The following SARM1 variants were observed in gnomAD, a reference collection of about 807,000 sequenced individuals.
SARM1 encodes the protein NAD(+) hydrolase SARM1.
SARM1 carries 60 observed loss-of-function variants against 65.1 expected under a neutral mutation model. The observed-to-expected ratio is 0.92, with a 90% CI of 0.75 to 1.14. The LOEUF (loss-of-function observed/expected upper bound fraction) is 1.14. Among genes scored for constraint, SARM1 ranks in the 50% most tolerant of loss-of-function variants. The probability of loss-of-function intolerance (pLI) is 0.00; values close to 1 mark genes in which losing one functional copy is unlikely to be tolerated. For missense variants in SARM1, 913 were observed against 1,015.7 expected, an observed-to-expected ratio of 0.90 and a Z score of 1.37; for synonymous variants, 417 against 465.4, an observed-to-expected ratio of 0.90 and a Z score of 1.34.
chr17:28,380,389 T>C (rs2068015546), intron 1 of SARM1, among the ~76,000 whole-genome samples: 1 of 152,232 alleles, frequency 6.6e-6, no homozygotes, highest in African/African-American at 2.4e-5. Context: ...CACATTAAGC[T>C]TAGATGTCAC....
In SARM1 at chr17:28,402,079, T is replaced by C. The variant is rs1361516667; in HGVS notation, c.*5793T>C. Reference sequence around the variant, plus strand: ...CCAAGGTGGCATGATCCTCTGCCCATTGTGGGCAATTTCACAGAAATGTGT... The same window carrying C: ...CCAAGGTGGCATGATCCTCTGCCCACTGTGGGCAATTTCACAGAAATGTGT... On this transcript the variant is annotated 3_prime_UTR_variant, in exon 9 of 9. Transcript: ENST00000585482. 6.6e-6 allele frequency: 4 copies of C among 605,564 alleles called. No homozygotes were observed. The highest frequency in any genetic ancestry group is 8.6e-6 in the Non-Finnish European group (3 of 349,652). 37.5% of individuals were successfully genotyped at this position (605,564 alleles called of 1,614,324 possible).
Position 28,396,178 on chromosome 17 carries a change from G to A in SARM1, c.2067G>A (p.Glu689=). The A allele has an allele frequency of 6.2e-7, 1 of 1,613,930 alleles. No homozygotes were observed. Among genetic ancestry groups the A allele is most frequent in the Non-Finnish European group, 8.5e-7 (1 of 1,179,856 alleles). Residue 689 remains glutamate, a synonymous_variant, in exon 9 of 9, where the codon GAG becomes GAA. Transcript: ENST00000585482. ...ACAGGTGGTCCCACGAATACCAGGA[G>A]GCCACCATTGAGAAGATCATCCGCT... is the stretch of plus-strand genomic sequence containing the variant. The part of the protein sequence containing the change: ...NGIKWSHEYQ[E]ATIEKIIRFL...
Position 28,384,797 on chromosome 17 carries a change from C to T in SARM1, c.1303-42C>T, listed in dbSNP as rs1468354773. 5 of 1,514,064 alleles carry T rather than the reference C, an allele frequency of 3.3e-6. No homozygotes were observed. Among genetic ancestry groups the T allele is most frequent in the Non-Finnish European group, 4.5e-6 (5 of 1,112,886 alleles). 93.8% of individuals were successfully genotyped at this position (1,514,064 alleles called of 1,614,324 possible). A position where few individuals can be genotyped will look rare whatever the true frequency, so the allele number is the denominator to read the frequency against. On this transcript the variant is annotated intron_variant, in intron 3 of 8. Coordinates refer to ENST00000585482, the MANE Select transcript of SARM1 (RefSeq NM_015077.4). The surrounding 1 kb of genome is among the most constrained non-coding windows in gnomAD (Gnocchi z 4.4). ...GCATCTTGTGCTCGAGGTCCAAGGGCGGAGTAGCGAAGCCCTTCCTGACAC... is the reference window on the plus strand; with the variant it reads ...GCATCTTGTGCTCGAGGTCCAAGGGTGGAGTAGCGAAGCCCTTCCTGACAC...
chr17:28,374,970 CAAAAAAAAAA>C (rs35032822), intron 1 of SARM1, among the ~76,000 whole-genome samples: 12 of 70,432 alleles, frequency 1.7e-4, no homozygotes, highest in Non-Finnish European at 2.7e-4. Context: ...CAGACCTTGT[CAAAAAAAAAA>C]AAAAAAAAAA....
intron 7 of SARM1, among the ~76,000 whole-genome samples, chr17:28,391,649 C>G (rs1055591536): frequency 7.1e-6 from 1 of 141,444 alleles, no homozygotes; most frequent in Non-Finnish European, 1.5e-5. Flanking sequence ...CCTCATTCAT[C>G]TGTGTCCCTG....
chr17:28,386,437 A>T (rs1399505466), intron 5 of SARM1, among the ~76,000 whole-genome samples: 1 of 152,058 alleles, frequency 6.6e-6, no homozygotes, highest in Non-Finnish European at 1.5e-5. Flanking sequence ...TAATGAAACT[A>T]ACATTTAAAG....
intron 2 of SARM1, among the ~76,000 whole-genome samples, chr17:28,383,650 T>G (rs1256483141): frequency 6.6e-6 from 1 of 152,164 alleles, no homozygotes; most frequent in East Asian, 1.9e-4. Context: ...AACAAAGACA[T>G]CTCGAGTCCC....
Position 28,372,188 on chromosome 17 carries a change from A to T in SARM1, c.156A>T (p.Glu52Asp). 7.3e-7 allele frequency: 1 copy of T among 1,363,828 alleles called. No individual in the cohort carries two copies. Among genetic ancestry groups the T allele is most frequent in the Non-Finnish European group, 9.4e-7 (1 of 1,067,970 alleles). The allele number at this position is 1,363,828 out of a possible 1,614,324, so 84.5% of individuals were successfully genotyped here. The change falls in exon 1 of 9, where the codon GAA becomes GAT. Residue 52 changes from glutamate to aspartate, a missense_variant. Glu to Asp is a conservative substitution (Grantham distance 45). Transcript: ENST00000585482. The surrounding 1 kb of genome is among the most constrained non-coding windows in gnomAD (Gnocchi z 5.2). ...WWAAGGRGPR[E>D]VSPGAGTEVQ... The stretch of plus-strand genomic sequence containing the variant: ...CTGCGGGTGGCCGCGGGCCCCGCGA[A>T]GTGTCGCCGGGGGCAGGCACCGAGG...
intron 5 of SARM1, among the ~76,000 whole-genome samples, chr17:28,387,138 G>A (rs560958927): frequency 6.6e-6 from 1 of 152,312 alleles, no homozygotes; most frequent in African/African-American, 2.4e-5. Flanking sequence ...GTTTTTAAGT[G>A]GGAGGAATGA....
Position 28,395,930 on chromosome 17 carries a change from G to A in SARM1, c.1949G>A (p.Gly650Asp), listed in dbSNP as rs782196355. Residue 650 changes from glycine to aspartate, a missense_variant, in exon 8 of 9, where the codon GGC (glycine) becomes GAC (aspartate). Physicochemically the swap from Gly to Asp is moderately conservative, Grantham distance 94. Transcript: ENST00000585482. Reference protein sequence around the residue: ...HKEIVTALSCGKNIVPIIDGF... With the variant: ...HKEIVTALSCDKNIVPIIDGF... ...GAGATTGTGACTGCTTTAAGCTGCG[G>A]CAAGAACATTGTGCCCATCATTGAT... is the stretch of plus-strand genomic sequence containing the variant. The A allele has an allele frequency of 1.9e-6, 3 of 1,613,930 alleles. No homozygotes were observed. Among genetic ancestry groups the A allele is most frequent in the Non-Finnish European group, 2.5e-6 (3 of 1,179,878 alleles).
chr17:28,387,609 G>A (rs782577248), intron 5 of SARM1, among the ~76,000 whole-genome samples: 1 of 152,224 alleles, frequency 6.6e-6, no homozygotes, highest in African/African-American at 2.4e-5. Flanking sequence ...CCGGAGGCTG[G>A]AGTCCAGTAT....
rs1175112101 is a variant in SARM1 at position 28,388,552 on chromosome 17, C to G, written c.1923+13C>G. 2 of 1,609,688 alleles carry G rather than the reference C, an allele frequency of 1.2e-6. No homozygotes were observed. Among genetic ancestry groups the G allele is most frequent in the African/African-American group, 2.7e-5 (2 of 74,892 alleles). ...TTGGGTGCATAAGGTAGGTGCCTGC[C>G]TATGCTTCTGCGGTCCCAGCATTGG... On this transcript the variant is annotated intron_variant, in intron 7 of 8. Transcript: ENST00000585482.
chr17:28,386,525 A>C (rs2068051109), intron 5 of SARM1: 4 of 152,226 alleles, frequency 2.6e-5, no homozygotes, highest in African/African-American at 4.8e-5. Context: ...TTTCTGCTTC[A>C]TAAACAAACA....
At chr17:28,395,659 C>CAA in intron 7 of SARM1, 1 of 470,908 alleles carries the variant, frequency 2.1e-6, no homozygotes, top group Non-Finnish European at 3.9e-6. Context: ...CTTTAGCATA[C>CAA]AAAGACACTC....
Position 28,396,168 on chromosome 17 carries a change from A to G in SARM1, c.2057A>G (p.Glu686Gly). ...LTFNGIKWSHEYQEATIEKII... is the reference protein window; with the variant it reads ...LTFNGIKWSHGYQEATIEKII... The stretch of plus-strand genomic sequence containing the variant: ...TCCTGTGCCCACAGGTGGTCCCACG[A>G]ATACCAGGAGGCCACCATTGAGAAG... Residue 686 changes from glutamate to glycine, a missense_variant, in exon 9 of 9, where the codon GAA becomes GGA. Coordinates refer to ENST00000585482, the MANE Select transcript of SARM1 (RefSeq NM_015077.4). 1 of 1,613,906 alleles carries G rather than the reference A, an allele frequency of 6.2e-7. No individual in the cohort carries two copies. The highest frequency in any genetic ancestry group is 1.6e-4 in the Middle Eastern group (1 of 6,062).
At chr17:28,375,871 G>A (rs2067986197) in intron 1 of SARM1, among the ~76,000 whole-genome samples, 1 of 152,056 alleles carries the variant, frequency 6.6e-6, no homozygotes, top group Admixed American at 6.6e-5. Context: ...CCCCTCTCTG[G>A]AGATAAACCA....
chr17:28,395,823 G>C (rs1442426709), intron 7 of SARM1, 82 bp from the exon 8 acceptor site: 3 of 1,564,344 alleles, frequency 1.9e-6, no homozygotes, highest in East Asian at 2.2e-5. Flanking sequence ...CCTCGGGCCA[G>C]TGGGCCTCCC....
At chr17:28,395,425 G>A (rs1367357418) in intron 7 of SARM1, 1 of 157,434 alleles carries the variant, frequency 6.4e-6, no homozygotes, top group African/African-American at 2.4e-5. Context: ...AAAACCCCTT[G>A]TTTGGGGGTT....
At position 28,384,069 on chromosome 17, in the gene SARM1, A is replaced by G. The variant is rs2068037404; in HGVS notation, c.1090-288A>G. ...GCTGCACTGTGCCCTGCCTGGCGCT[A>G]TGCTGAGAGCTCAACTTTATTCCAG... On this transcript the variant is annotated intron_variant, in intron 2 of 8. Transcript: ENST00000585482. This position sits in a 1 kb window ranked among gnomAD's most constrained non-coding sequence, Gnocchi z 4.4. Among the ~76,000 whole-genome samples, 1 of 152,194 alleles carries G rather than the reference A, an allele frequency of 6.6e-6. No homozygotes were observed.
Sources: gnomAD v4.1 joint callset for allele counts (sites outside exome capture counted in the v4.1 genomes callset) on GRCh38, gnomAD v4.1.1 for gene constraint, Gnocchi (gnomAD v3.1) non-coding constraint, MANE v1.5 for transcripts, NCBI Gene and HGNC (gene_info 2026-07-23, HGNC 2026-07-21) for gene names.